Variants in CLSTN2 observed in about 807,000 individuals in gnomAD.
CLSTN2 encodes the protein calsyntenin-2.
In CLSTN2, 48 loss-of-function variants were observed where a neutral mutation model predicts 101.2. The observed-to-expected ratio is 0.47, with a 90% CI of 0.38 to 0.60. The LOEUF (loss-of-function observed/expected upper bound fraction) is 0.60. CLSTN2 is among the 20% of genes least tolerant of loss of function. The pLI is 0.00. For missense variants in CLSTN2, 1,160 were observed against 1,238.2 expected, an observed-to-expected ratio of 0.94 and a Z score of 0.95; for synonymous variants, 481 against 463.6, an observed-to-expected ratio of 1.04 and a Z score of -0.48.
intron 1 of CLSTN2, among the ~76,000 whole-genome samples, chr3:139,940,540 T>A (rs994321558): frequency 1.3e-5 from 2 of 152,186 alleles, no homozygotes; most frequent in African/African-American, 4.8e-5. Context: ...TGGTGAATTT[T>A]TTTTTTTCTG....
intron 1 of CLSTN2, among the ~76,000 whole-genome samples, chr3:140,069,211 A>T (rs2008350963): frequency 6.6e-6 from 1 of 152,174 alleles, no homozygotes; most frequent in Non-Finnish European, 1.5e-5. Flanking sequence ...ATGTGAGGAC[A>T]TAACCCTCCC....
chr3:140,345,199 T>G (rs1399389443), intron 2 of CLSTN2, among the ~76,000 whole-genome samples: 2 of 151,894 alleles, frequency 1.3e-5, no homozygotes, highest in Non-Finnish European at 2.9e-5. Context: ...AAAGTAGTTT[T>G]GGGGGATCCA....
chr3:139,994,073 C>T (rs941601991), intron 1 of CLSTN2, among the ~76,000 whole-genome samples: 5 of 152,164 alleles, frequency 3.3e-5, no homozygotes, highest in African/African-American at 1.2e-4. Context: ...GTTAACCTCT[C>T]TCTCTCCCCA....
intron 2 of CLSTN2, among the ~76,000 whole-genome samples, chr3:140,260,786 T>C (rs1484311763): frequency 1.3e-5 from 2 of 152,178 alleles, no homozygotes. Flanking sequence ...CATATCTCTT[T>C]AGGCTTCTCT....
rs972924403 is a variant in CLSTN2 at position 140,568,620 on chromosome 3, G to A, written c.*2367G>A. The A allele has an allele frequency of 3.9e-5, 6 of 152,188 alleles. No individual in the cohort carries two copies. The highest frequency in any genetic ancestry group is 8.8e-5 in the Non-Finnish European group (6 of 68,028). The allele number at this position is 152,188 out of a possible 1,614,324, so 9.4% of individuals were successfully genotyped here. A position where few individuals can be genotyped will look rare whatever the true frequency, so the allele number is the denominator to read the frequency against. On this transcript the variant is annotated 3_prime_UTR_variant, in exon 17 of 17. Transcript: ENST00000458420. ...ACTGAATTCTCCCAAAATTGTGGCAGCAAAAAGAACACTTCATATGCTTAA... is the reference window on the plus strand; with the variant it reads ...ACTGAATTCTCCCAAAATTGTGGCAACAAAAAGAACACTTCATATGCTTAA...
chr3:140,306,850 TA>T (rs1361101180), intron 2 of CLSTN2, among the ~76,000 whole-genome samples: 1,836 of 52,264 alleles, frequency 0.035, 25 homozygotes, highest in African/African-American at 0.11. Context: ...TTTGTCTTTT[TA>T]TTATTATTAT....
chr3:140,143,838 G>A (rs2009739883), intron 1 of CLSTN2, among the ~76,000 whole-genome samples: 1 of 152,234 alleles, frequency 6.6e-6, no homozygotes, highest in African/African-American at 2.4e-5. Flanking sequence ...AAGGCGTGTG[G>A]AGGGTGCTGT....
chr3:140,191,521 C>T (rs1414891001), intron 2 of CLSTN2, among the ~76,000 whole-genome samples: 1 of 151,938 alleles, frequency 6.6e-6, no homozygotes, highest in Non-Finnish European at 1.5e-5. Flanking sequence ...CAGTGAAATT[C>T]TCCATGACAG....
At chr3:140,529,892 T>C (rs1332504213) in intron 8 of CLSTN2, among the ~76,000 whole-genome samples, 1 of 152,206 alleles carries the variant, frequency 6.6e-6, no homozygotes, top group African/African-American at 2.4e-5. Flanking sequence ...TGTGTCCCTT[T>C]TATAGTAACA....
intron 1 of CLSTN2, among the ~76,000 whole-genome samples, chr3:140,171,704 T>C (rs2010224421): frequency 9.3e-6 from 1 of 107,136 alleles, no homozygotes; most frequent in Non-Finnish European, 1.8e-5. Flanking sequence ...TAATATATAA[T>C]ATGTATTATG....
intron 1 of CLSTN2, among the ~76,000 whole-genome samples, chr3:139,986,858 C>T (rs1160943303): frequency 6.6e-6 from 1 of 152,154 alleles, no homozygotes; most frequent in Non-Finnish European, 1.5e-5. Flanking sequence ...CACTTGGGGG[C>T]TGGCTATGGG....
intron 2 of CLSTN2, among the ~76,000 whole-genome samples, chr3:140,256,302 G>C (rs2086603585): frequency 6.6e-6 from 1 of 152,100 alleles, no homozygotes. Flanking sequence ...GAGTCACACT[G>C]CCCCAAAAAG....
intron 8 of CLSTN2, among the ~76,000 whole-genome samples, chr3:140,492,136 C>G (rs1162511349): frequency 7.4e-6 from 1 of 135,644 alleles, no homozygotes; most frequent in Non-Finnish European, 1.6e-5. Context: ...AAGCACCCAC[C>G]ATAATGGCTT....
At chr3:140,206,070 C>T (rs2010778461) in intron 2 of CLSTN2, among the ~76,000 whole-genome samples, 1 of 152,202 alleles carries the variant, frequency 6.6e-6, no homozygotes, top group Non-Finnish European at 1.5e-5. Context: ...GAAAATCATT[C>T]ACAAACTTCA....
chr3:140,291,205 C>T (rs555118633), intron 2 of CLSTN2, among the ~76,000 whole-genome samples: 7 of 152,230 alleles, frequency 4.6e-5, no homozygotes, highest in South Asian at 4.1e-4. Flanking sequence ...GAGCCTGGCC[C>T]GAGATGAGCT....
chr3:140,507,374 G>A (rs1934705265), intron 8 of CLSTN2: 1 of 152,176 alleles, frequency 6.6e-6, no homozygotes, highest in Non-Finnish European at 1.5e-5. Context: ...TGAACCTGAG[G>A]GGTCGGGTTC....
chr3:140,097,925 G>T (rs1471365667), intron 1 of CLSTN2, among the ~76,000 whole-genome samples: 2 of 152,142 alleles, frequency 1.3e-5, no homozygotes, highest in Non-Finnish European at 2.9e-5. Flanking sequence ...ACAAATGAAA[G>T]TTTATTTCCT....
At chr3:140,286,085 G>A (rs1251586984) in intron 2 of CLSTN2, among the ~76,000 whole-genome samples, 1 of 152,116 alleles carries the variant, frequency 6.6e-6, no homozygotes, top group Non-Finnish European at 1.5e-5. Flanking sequence ...GGGTCCAGAT[G>A]GCCCCTGGAG....
At chr3:140,136,569 CA>C (rs531189637) in intron 1 of CLSTN2, among the ~76,000 whole-genome samples, 75 of 152,284 alleles carry the variant, frequency 4.9e-4, no homozygotes, top group African/African-American at 1.7e-3. Flanking sequence ...CAAAGTGTTT[CA>C]AAGAACACAG....
Sources: gnomAD v4.1 joint callset for allele counts (sites outside exome capture counted in the v4.1 genomes callset) on GRCh38, gnomAD v4.1.1 for gene constraint, MANE v1.5 for transcripts, NCBI Gene and HGNC (gene_info 2026-07-23, HGNC 2026-07-21) for gene names.